RBMS3: variants seen among roughly 807,000 people sequenced by gnomAD.
RBMS3 encodes RNA binding motif single stranded interacting protein 3, also known as RNA-binding motif, single-stranded-interacting protein 3.
Under a neutral mutation model 66.8 loss-of-function variants are expected in RBMS3, and 27 were observed. The ratio of observed to expected loss-of-function variants is 0.40; its 90% CI spans 0.30 to 0.56. The LOEUF is 0.56. Among genes scored for constraint, RBMS3 ranks in the 20% least tolerant of loss-of-function variants. RBMS3 has a pLI of 0.40. For missense variants in RBMS3, 513 were observed against 549.5 expected, an observed-to-expected ratio of 0.93 and a Z score of 0.66; for synonymous variants, 188 against 183.0, an observed-to-expected ratio of 1.03 and a Z score of -0.22.
chr3:29,647,688 A>G (rs1325972405), intron 4 of RBMS3, among the ~76,000 whole-genome samples: 1 of 152,176 alleles, frequency 6.6e-6, no homozygotes. Flanking sequence ...TCTTAAATAC[A>G]TGTGTAGGCA....
chr3:29,396,257 G>A (rs2039544002), intron 1 of RBMS3, among the ~76,000 whole-genome samples: 1 of 152,058 alleles, frequency 6.6e-6, no homozygotes, highest in South Asian at 2.1e-4. Flanking sequence ...TCAAAATAAA[G>A]AGCATTCTTC....
At chr3:29,835,235 C>T (rs184452858) in intron 6 of RBMS3, among the ~76,000 whole-genome samples, 148 of 152,006 alleles carry the variant, frequency 9.7e-4, no homozygotes, top group South Asian at 4.1e-4. Flanking sequence ...ATCGTCCAGA[C>T]GGAAATCAAT....
chr3:29,782,147 A>T (rs1048231391), intron 6 of RBMS3, among the ~76,000 whole-genome samples: 1 of 152,078 alleles, frequency 6.6e-6, no homozygotes, highest in Non-Finnish European at 1.5e-5. Context: ...AGGTGTCCCT[A>T]GGGCAAGTTT....
intron 2 of RBMS3, among the ~76,000 whole-genome samples, chr3:29,472,720 G>A (rs1373333176): frequency 6.7e-6 from 1 of 149,210 alleles, no homozygotes; most frequent in African/African-American, 2.5e-5. Flanking sequence ...GGTCTCGCTG[G>A]CTTCAGGAGT....
At chr3:29,998,172 C>T (rs1303043189) in intron 14 of RBMS3, among the ~76,000 whole-genome samples, 3 of 152,116 alleles carry the variant, frequency 2.0e-5, no homozygotes, top group Non-Finnish European at 4.4e-5. Flanking sequence ...ACAATTGCTT[C>T]AAAGAGAATA....
At chr3:29,991,002 A>G (rs1698829614) in intron 13 of RBMS3, 80 bp from the exon 14 acceptor site, 2 of 1,399,902 alleles carry the variant, frequency 1.4e-6, no homozygotes, top group Admixed American at 1.8e-5. Context: ...GCCAAATAGA[A>G]GAGGGGTACT....
At chr3:29,709,544 T>A (rs1156543066) in intron 4 of RBMS3, among the ~76,000 whole-genome samples, 1 of 152,196 alleles carries the variant, frequency 6.6e-6, no homozygotes, top group Non-Finnish European at 1.5e-5. Context: ...ATTTTTGTCT[T>A]TTGAAAAACT....
chr3:29,456,257 T>C (rs2042186288), intron 2 of RBMS3, among the ~76,000 whole-genome samples: 3 of 152,210 alleles, frequency 2.0e-5, no homozygotes, highest in Non-Finnish European at 2.9e-5. Context: ...ATCCTTTATT[T>C]ATCTTGAGTG....
chr3:29,406,616 A>G (rs1288615082), intron 1 of RBMS3, among the ~76,000 whole-genome samples: 1 of 152,222 alleles, frequency 6.6e-6, no homozygotes, highest in African/African-American at 2.4e-5. Flanking sequence ...AAATATTTAT[A>G]GCACACATAT....
chr3:29,823,885 C>G (rs1237770737), intron 6 of RBMS3, among the ~76,000 whole-genome samples: 1 of 152,080 alleles, frequency 6.6e-6, no homozygotes, highest in Non-Finnish European at 1.5e-5. Flanking sequence ...ATAGATTTTA[C>G]CAGAAAGTTT....
intron 4 of RBMS3, among the ~76,000 whole-genome samples, chr3:29,666,311 C>T (rs1367969217): frequency 1.3e-5 from 2 of 152,128 alleles, no homozygotes; most frequent in African/African-American, 2.4e-5. Context: ...TGTTTTCAAC[C>T]ACTAGAATGA....
chr3:29,365,891 C>T (rs1207505637), intron 1 of RBMS3, among the ~76,000 whole-genome samples: 1 of 152,146 alleles, frequency 6.6e-6, no homozygotes, highest in Non-Finnish European at 1.5e-5. Context: ...ACACTGCCTC[C>T]TTAACATTTG....
At chr3:29,325,115 C>G (rs540904202) in intron 1 of RBMS3, among the ~76,000 whole-genome samples, 1 of 152,196 alleles carries the variant, frequency 6.6e-6, no homozygotes, top group East Asian at 1.9e-4. Context: ...CTCTCTGTAA[C>G]TGTAGAAAAG....
At chr3:29,415,257 A>C (rs1156688125) in intron 1 of RBMS3, among the ~76,000 whole-genome samples, 1 of 152,210 alleles carries the variant, frequency 6.6e-6, no homozygotes, top group Non-Finnish European at 1.5e-5. Flanking sequence ...TAAATCTTTT[A>C]TTGAGTAATA....
chr3:29,847,932 A>T (rs552293216), intron 6 of RBMS3, among the ~76,000 whole-genome samples: 1 of 152,324 alleles, frequency 6.6e-6, no homozygotes, highest in East Asian at 1.9e-4. Flanking sequence ...CTGGGATTAC[A>T]GGCGTCAATT....
chr3:29,506,101 C>T (rs749860399), intron 3 of RBMS3, among the ~76,000 whole-genome samples: 5 of 151,698 alleles, frequency 3.3e-5, no homozygotes, highest in Admixed American at 6.6e-5. Flanking sequence ...CGCTAGGGGA[C>T]GTCCAGTAAT....
intron 6 of RBMS3, among the ~76,000 whole-genome samples, chr3:29,763,818 A>G (rs2055801818): frequency 6.6e-6 from 1 of 152,086 alleles, no homozygotes; most frequent in African/African-American, 2.4e-5. Context: ...TATTAAACTA[A>G]GAAAAATTAC....
At chr3:29,929,073 C>A (rs966915983) in intron 10 of RBMS3, among the ~76,000 whole-genome samples, 7 of 152,124 alleles carry the variant, frequency 4.6e-5, no homozygotes, top group African/African-American at 1.4e-4. Context: ...AATATAGTAA[C>A]CCATCTGTGT....
At position 29,468,301 on chromosome 3, in the gene RBMS3, G is replaced by T. The variant is rs150774838; in HGVS notation, c.249-20140G>T. On this transcript the variant is annotated intron_variant, in intron 2 of 14. Coordinates refer to ENST00000383767, the MANE Select transcript of RBMS3 (RefSeq NM_001003793.3). The stretch of plus-strand genomic sequence containing the variant: ...CTCTATGTCCTCTGGCTTCTGTGGT[G>T]GCAGATTCCCCAGAAGGCTTGCGGT... Among the ~76,000 whole-genome samples, 96 of 152,240 alleles carry T rather than the reference G, an allele frequency of 6.3e-4. No homozygotes were observed. In the East Asian group the frequency reaches 0.017, roughly 27 times the overall value.
Sources: gnomAD v4.1 joint callset for allele counts (sites outside exome capture counted in the v4.1 genomes callset) on GRCh38, gnomAD v4.1.1 for gene constraint, MANE v1.5 for transcripts, NCBI Gene and HGNC (gene_info 2026-07-23, HGNC 2026-07-21) for gene names.